The following GSR variants were observed in gnomAD, a reference collection of about 807,000 sequenced individuals.
GSR encodes glutathione reductase, mitochondrial.
In GSR, 48 loss-of-function variants were observed where a neutral mutation model predicts 56.5. The observed-to-expected ratio is 0.85, with a 90% confidence interval of 0.67 to 1.08. The LOEUF (loss-of-function observed/expected upper bound fraction) is 1.08, where lower values mean the gene tolerates loss of function less well. Ranked by LOEUF, GSR falls within the 50% of genes least tolerant of loss-of-function variation. The pLI is 0.00. For missense variants in GSR, 694 were observed against 703.3 expected (o/e 0.99, Z 0.15); for synonymous variants, 264 against 270.8 (o/e 0.97, Z 0.25).
intron 1 of GSR, among the ~76,000 whole-genome samples, chr8:30,722,643 G>C (rs1449456717): frequency 6.6e-6 from 1 of 151,226 alleles, no homozygotes; most frequent in Non-Finnish European, 1.5e-5. Context: ...GAGGTGGGAG[G>C]GTCACTTGAG....
intron 12 of GSR, among the ~76,000 whole-genome samples, chr8:30,680,030 T>C (rs901433385): frequency 1.3e-5 from 2 of 152,044 alleles, no homozygotes; most frequent in Non-Finnish European, 2.9e-5. Flanking sequence ...ATTGAACTTA[T>C]AAAGAGCCTC....
chr8:30,718,712 G>A (rs775241645), intron 1 of GSR, among the ~76,000 whole-genome samples: 8 of 151,930 alleles, frequency 5.3e-5, no homozygotes, highest in Non-Finnish European at 1.0e-4. Flanking sequence ...CAGATTCCCC[G>A]GTTCTCCAGG....
rs532969914 is a variant in GSR at position 30,694,582 on chromosome 8, C to T, written c.796-1527G>A. On this transcript the variant is annotated intron_variant, in intron 7 of 12. Transcript: ENST00000221130. Reference sequence around the variant, plus strand: ...GCTGAGGCAGGAGGATAGCTTGAGGCCAGGAGTTCGAGACCAGCCTGGGCA... The same window carrying T: ...GCTGAGGCAGGAGGATAGCTTGAGGTCAGGAGTTCGAGACCAGCCTGGGCA... 3.3e-5 allele frequency among the ~76,000 whole-genome samples: 5 copies of T among 151,974 alleles called. No individual in the cohort carries two copies. In the South Asian group the frequency reaches 1.0e-3, roughly 32 times the overall value.
chr8:30,720,389 T>C (rs2161850), intron 1 of GSR, among the ~76,000 whole-genome samples: 116,671 of 152,142 alleles, frequency 0.77, 49,231 homozygotes, highest in Non-Finnish European at 0.94. Flanking sequence ...ACTATCGATT[T>C]ATCAACTCAA....
At chr8:30,701,206 C>G (rs1355126335) in intron 5 of GSR, among the ~76,000 whole-genome samples, 1 of 152,140 alleles carries the variant, frequency 6.6e-6, no homozygotes. Context: ...TGGCTCACAC[C>G]TATAATCCCA....
At chr8:30,680,127 A>C (rs75193915) in intron 12 of GSR, among the ~76,000 whole-genome samples, 221 of 152,314 alleles carry the variant, frequency 1.5e-3, no homozygotes, top group Admixed American at 2.9e-3. Context: ...TATCAACTGA[A>C]TGAATGATAA....
At chr8:30,682,724 T>C (rs937313961) in intron 10 of GSR, among the ~76,000 whole-genome samples, 1 of 152,164 alleles carries the variant, frequency 6.6e-6, no homozygotes, top group Non-Finnish European at 1.5e-5. Flanking sequence ...CAAGCTATAT[T>C]AGTTTTCAGC....
Position 30,684,145 on chromosome 8 carries a change from T to G in GSR, c.1096A>C (p.Asn366His), listed in dbSNP as rs375570135. 1.2e-6 allele frequency: 2 copies of G among 1,610,878 alleles called. No individual in the cohort carries two copies. The highest frequency in any genetic ancestry group is 4.5e-5 in the East Asian group (2 of 44,872). ...HIIVDEFQNT[N>H]VKGIYAVGDV... ...CCAACTGCATAGATGCCTTTGACGT[T>G]GGTATTCTGGAATTCGTCTACGATG... The change falls in exon 10 of 13, where the codon AAC becomes CAC. Residue 366 changes from asparagine to histidine, a missense_variant. Transcript: ENST00000221130.
intron 2 of GSR, among the ~76,000 whole-genome samples, chr8:30,711,757 C>T (rs1021164885): frequency 6.6e-6 from 1 of 152,102 alleles, no homozygotes; most frequent in Non-Finnish European, 1.5e-5. Context: ...CACTTGAACC[C>T]AGGAGGCAGA....
chr8:30,702,306 C>A (rs1221482233), intron 5 of GSR, among the ~76,000 whole-genome samples: 1 of 151,420 alleles, frequency 6.6e-6, no homozygotes, highest in African/African-American at 2.4e-5. Flanking sequence ...GGTGACAGAG[C>A]CAGACTCTGT....
chr8:30,704,295 A>T (rs2128744656), intron 4 of GSR, among the ~76,000 whole-genome samples: 1 of 152,258 alleles, frequency 6.6e-6, no homozygotes, highest in East Asian at 1.9e-4. Context: ...ACTGCACTCC[A>T]TCCTGGGCGA....
intron 2 of GSR, among the ~76,000 whole-genome samples, chr8:30,711,701 C>T (rs1386206429): frequency 2.6e-5 from 4 of 152,050 alleles, no homozygotes; most frequent in Non-Finnish European, 4.4e-5. Context: ...AGTGCAGTGG[C>T]GCACGCCTGT....
rs374914209 is a variant in GSR, at chr8:30,679,572, T to C, written c.1517A>G (p.Asn506Ser). The change falls in exon 13 of 13, where the codon AAC (asparagine) becomes AGC (serine). Residue 506 changes from asparagine (N) to serine (S), a missense_variant. By Grantham distance (46) the Asn-to-Ser change is conservative (BLOSUM62 1). Coordinates refer to ENST00000221130, the MANE Select transcript of GSR (RefSeq NM_000637.5). ...KMGATKADFD[N>S]TVAIHPTSSE... ...AGAGGTAGGGTGAATGGCGACTGTG[T>C]TGTCAAAGTCTGCCTTCGTTGCTCC... 5.6e-6 allele frequency: 9 copies of C among 1,613,976 alleles called. No homozygotes were observed. Among genetic ancestry groups the C allele is most frequent in the Middle Eastern group, 1.6e-4 (1 of 6,084 alleles).
chr8:30,718,302 A>T (rs1273203477), intron 1 of GSR, among the ~76,000 whole-genome samples: 3 of 152,084 alleles, frequency 2.0e-5, no homozygotes, highest in Admixed American at 6.6e-5. Context: ...ACAGGCCTCA[A>T]GTCAGACAGA....
intron 3 of GSR, among the ~76,000 whole-genome samples, chr8:30,709,492 G>A (rs1364111171): frequency 6.6e-6 from 1 of 152,196 alleles, no homozygotes; most frequent in Non-Finnish European, 1.5e-5. Flanking sequence ...CCCTAGAATT[G>A]GCAAATTCAT....
At position 30,682,077 on chromosome 8, in the gene GSR, A is replaced by G. The variant is rs1173002684; in HGVS notation, c.1154-16T>C. ...GCTATTGCAACTATGGAGATATTTT[A>G]AAATCAGTGTTTATCTTACTGTCTG... On this transcript the variant is annotated splice_polypyrimidine_tract_variant and intron_variant, in intron 10 of 12. Coordinates refer to ENST00000221130, the MANE Select transcript of GSR (RefSeq NM_000637.5). The G allele has an allele frequency of 6.2e-7, 1 of 1,609,460 alleles. No homozygotes were observed. The highest frequency in any genetic ancestry group is 8.5e-7 in the Non-Finnish European group (1 of 1,175,800).
At chr8:30,708,328 C>T (rs1372231006) in intron 3 of GSR, among the ~76,000 whole-genome samples, 187 bp from the exon 4 acceptor site, 1 of 152,178 alleles carries the variant, frequency 6.6e-6, no homozygotes, top group East Asian at 1.9e-4. Flanking sequence ...TGTTAAAAGC[C>T]TCTGTGCCAC....
chr8:30,692,919 A>G (rs1012080082), intron 8 of GSR, 50 bp downstream of exon 8: 1 of 1,119,000 alleles, frequency 8.9e-7, no homozygotes, highest in South Asian at 1.2e-5. Context: ...CCACAAGCAG[A>G]AAGTGTGATT....
At chr8:30,683,933 A>G (rs2128737663) in intron 10 of GSR, among the ~76,000 whole-genome samples, 155 bp downstream of exon 10, 1 of 152,298 alleles carries the variant, frequency 6.6e-6, no homozygotes, top group Non-Finnish European at 1.5e-5. Context: ...CAGGTATCCA[A>G]CCAATATCTA....
Sources: gnomAD v4.1 joint callset for allele counts (sites outside exome capture counted in the v4.1 genomes callset) on GRCh38, gnomAD v4.1.1 for gene constraint, MANE v1.5 for transcripts, NCBI Gene and HGNC (gene_info 2026-07-23, HGNC 2026-07-21) for gene names.